Variants in ABCC6 observed in about 807,000 individuals in gnomAD.
ABCC6 encodes ATP binding cassette subfamily C member 6.
ABCC6 carries 126 observed loss-of-function variants against 169.5 expected under a neutral mutation model. The observed-to-expected ratio is 0.74, with a 90% confidence interval of 0.64 to 0.86. ABCC6 has a LOEUF of 0.86. Among genes scored for constraint, ABCC6 ranks in the 40% least tolerant of loss-of-function variants. ABCC6 has a pLI of 0.00. For synonymous variants in ABCC6, 752 were observed against 814.7 expected (o/e 0.92, Z 1.31); for missense variants, 1,733 against 1,927.2 (o/e 0.90, Z 1.89).
chr16:16,187,320 G>T, intron 13 of ABCC6, 109 bp from the exon 14 acceptor site: 2 of 872,392 alleles, frequency 2.3e-6, no homozygotes, highest in Non-Finnish European at 3.7e-6. Flanking sequence ...ACCAAGCTCT[G>T]TGCATAGGAG....
chr16:16,215,470 T>C (rs934639899), intron 4 of ABCC6, among the ~76,000 whole-genome samples: 3 of 150,792 alleles, frequency 2.0e-5, no homozygotes, highest in African/African-American at 4.9e-5. Context: ...TGTGTGTGTG[T>C]GTGTATACTT....
chr16:16,206,462 G>A (rs2048394224), intron 7 of ABCC6, among the ~76,000 whole-genome samples: 1 of 151,686 alleles, frequency 6.6e-6, no homozygotes. Context: ...GAGAAACCCC[G>A]CCTCTAATAA....
intron 29 of ABCC6, 23 bp from the exon 30 acceptor site, chr16:16,150,795 G>A: frequency 1.9e-6 from 3 of 1,611,064 alleles, no homozygotes; most frequent in Non-Finnish European, 2.5e-6. Flanking sequence ...GGGACAATTA[G>A]CTGGGACGTG....
chr16:16,157,305 G>C (rs1259103769), intron 27 of ABCC6, among the ~76,000 whole-genome samples: 1 of 152,176 alleles, frequency 6.6e-6, no homozygotes, highest in Non-Finnish European at 1.5e-5. Flanking sequence ...GCTATGAAGT[G>C]CTTTTCCCAA....
intron 29 of ABCC6, among the ~76,000 whole-genome samples, chr16:16,151,869 C>G (rs2046393536): frequency 6.6e-6 from 1 of 151,998 alleles, no homozygotes; most frequent in African/African-American, 2.4e-5. Flanking sequence ...TGGATCCGTC[C>G]TCGCTGAATC....
Position 16,177,606 on chromosome 16 carries a change from G to C in ABCC6, c.2436C>G (p.His812Gln). 1 of 1,614,178 alleles carries C rather than the reference G, an allele frequency of 6.2e-7. No homozygotes were observed. The highest frequency in any genetic ancestry group is 8.5e-7 in the Non-Finnish European group (1 of 1,180,038). Residue 812 changes from histidine to glutamine, a missense_variant, in exon 19 of 31, where the codon CAC becomes CAG. Coordinates refer to ENST00000205557, the MANE Select transcript of ABCC6 (RefSeq NM_001171.6). The stretch of plus-strand genomic sequence containing the variant: ...CAGCCTGGGGCAGGATGTGGAGTGC[G>C]TGCGTCACGAGAATCCGTGTCTGGG... Reference protein sequence around the residue: ...LQGTTRILVTHALHILPQADW... With the variant: ...LQGTTRILVTQALHILPQADW...
At chr16:16,189,523 T>C (rs2047770401) in intron 12 of ABCC6, among the ~76,000 whole-genome samples, 1 of 151,918 alleles carries the variant, frequency 6.6e-6, no homozygotes. Flanking sequence ...GTTCAAGTGA[T>C]TCTCCTGCCT....
At chr16:16,160,039 A>C (rs916109941) in intron 25 of ABCC6, among the ~76,000 whole-genome samples, 8 of 151,706 alleles carry the variant, frequency 5.3e-5, no homozygotes, top group Admixed American at 2.6e-4. Context: ...CCCATCCCCA[A>C]CCTTGTCTCC....
Position 16,201,987 on chromosome 16 carries a change from C to T in ABCC6, c.1176+14G>A, listed in dbSNP as rs543629636. 2.2e-5 allele frequency: 36 copies of T among 1,613,908 alleles called. No individual in the cohort carries two copies. The Admixed American group carries it at 5.7e-4, about 25-fold the overall frequency. On this transcript the variant is annotated intron_variant, in intron 9 of 30. Coordinates refer to ENST00000205557, the MANE Select transcript of ABCC6 (RefSeq NM_001171.6). ...CCTGGCTGGGAAGACCTGCCCTTGT[C>T]CCCCAGGGCTCACCTTTCTGTACAC...
At chr16:16,207,282 G>A (rs1247665794) in intron 7 of ABCC6, among the ~76,000 whole-genome samples, 1 of 152,256 alleles carries the variant, frequency 6.6e-6, no homozygotes, top group East Asian at 1.9e-4. Context: ...CTGGGCATGG[G>A]ATTGGCCCCT....
intron 25 of ABCC6, among the ~76,000 whole-genome samples, chr16:16,160,150 C>T (rs1287465141): frequency 6.6e-6 from 1 of 152,152 alleles, no homozygotes; most frequent in Non-Finnish European, 1.5e-5. Flanking sequence ...CCTTTTCTTC[C>T]TGCTGTTAAC....
chr16:16,201,407 G>C (rs1324448326), intron 9 of ABCC6, among the ~76,000 whole-genome samples: 1 of 152,218 alleles, frequency 6.6e-6, no homozygotes, highest in African/African-American at 2.4e-5. Flanking sequence ...GATTGGGGGA[G>C]TAGAAGTGGT....
At position 16,170,940 on chromosome 16, in the gene ABCC6, A is replaced by C. The variant is rs2047043535; in HGVS notation, c.2788-1087T>G. 9.3e-5 allele frequency among the ~76,000 whole-genome samples: 8 copies of C among 86,086 alleles called. No individual in the cohort carries two copies. In the South Asian group the frequency reaches 3.4e-3, roughly 37 times the overall value. 56.5% of individuals were successfully genotyped at this position (86,086 alleles called of 152,430 possible). ...GTCTCAAAAAAAAAAAAAAAAAAAA[A>C]AGAAAGAAAGAAAGAAAGAAAGAAA... On this transcript the variant is annotated intron_variant, in intron 21 of 30. Coordinates refer to ENST00000205557, the MANE Select transcript of ABCC6 (RefSeq NM_001171.6).
intron 6 of ABCC6, among the ~76,000 whole-genome samples, chr16:16,211,660 G>A (rs2048626419): frequency 6.6e-6 from 1 of 152,164 alleles, no homozygotes; most frequent in African/African-American, 2.4e-5. Flanking sequence ...GGTTAGGAGA[G>A]AGCACATCCT....
chr16:16,175,564 C>T (rs2047252332), intron 20 of ABCC6, among the ~76,000 whole-genome samples: 1 of 152,152 alleles, frequency 6.6e-6, no homozygotes, highest in Admixed American at 6.5e-5. Flanking sequence ...GCATAAGTGG[C>T]CAGGCCTGGC....
At chr16:16,198,624 G>C (rs1382734526) in intron 9 of ABCC6, among the ~76,000 whole-genome samples, 1 of 151,962 alleles carries the variant, frequency 6.6e-6, no homozygotes, top group Non-Finnish European at 1.5e-5. Context: ...TGAGGTGGGA[G>C]GATTGCTTGA....
chr16:16,162,835 C>G (rs547450975), intron 24 of ABCC6, among the ~76,000 whole-genome samples, 158 bp downstream of exon 24: 2 of 152,342 alleles, frequency 1.3e-5, no homozygotes, highest in East Asian at 3.9e-4. Context: ...CATGTTCCAT[C>G]TGCCCACGGT....
In ABCC6 at chr16:16,192,901, T is replaced by C; in HGVS notation, c.1360A>G (p.Thr454Ala). 6.2e-7 allele frequency: 1 copy of C among 1,613,960 alleles called. No homozygotes were observed. Among genetic ancestry groups the C allele is most frequent in the South Asian group, 1.1e-5 (1 of 91,062 alleles). ...LWQLLGPSAL[T>A]AIAVFLSLLP... ...AGGCTCAGGAAGACAGCGATGGCAG[T>C]GAGGGCGGAGGGCCCCAGGAGCTGG... Residue 454 changes from threonine to alanine, a missense_variant, in exon 11 of 31, where the codon ACT becomes GCT. Transcript: ENST00000205557.
chr16:16,204,796 A>G (rs2048341289), intron 7 of ABCC6, among the ~76,000 whole-genome samples: 1 of 151,744 alleles, frequency 6.6e-6, no homozygotes, highest in Non-Finnish European at 1.5e-5. Context: ...TGGCTCTGAC[A>G]ACCTATAAGG....
Sources: allele counts gnomAD v4.1 joint callset (sites outside exome capture counted in the v4.1 genomes callset), GRCh38; gene constraint gnomAD v4.1.1; transcripts MANE v1.5; gene names NCBI Gene and HGNC (gene_info 2026-07-23, HGNC 2026-07-21).